The following RNF144A variants were observed in gnomAD, a reference collection of about 807,000 sequenced individuals.
The protein encoded by RNF144A is E3 ubiquitin-protein ligase RNF144A.
In RNF144A, 11 loss-of-function variants were observed where a neutral mutation model predicts 38.7. The observed-to-expected ratio is 0.28, with a 90% CI of 0.18 to 0.47. RNF144A has a LOEUF of 0.47. Ranked by LOEUF, RNF144A falls within the 20% of genes least tolerant of loss-of-function variation. The pLI is 0.99. For synonymous variants in RNF144A, 149 were observed against 143.9 expected, an observed-to-expected ratio of 1.04 and a Z score of -0.25; for missense variants, 316 against 377.2, an observed-to-expected ratio of 0.84 and a Z score of 1.34.
chr2:7,041,970 A>G lies in RNF144A; in HGVS notation c.*2210A>G. On this transcript the variant is annotated 3_prime_UTR_variant, in exon 9 of 9. Transcript: ENST00000320892. ...AGCCATCCTTGTGCCTTCACCTCTG[A>G]TGTGTTTCACAAGCACGTAGTTCAA... 2 of 985,422 alleles carry G rather than the reference A, an allele frequency of 2.0e-6. No homozygotes were observed. The highest frequency in any genetic ancestry group is 2.4e-6 in the Non-Finnish European group (2 of 829,940). The allele number at this position is 985,422 out of a possible 1,614,324, so 61.0% of individuals were successfully genotyped here.
intron 6 of RNF144A, among the ~76,000 whole-genome samples, chr2:7,053,162 A>G (rs1195019091): frequency 1.3e-5 from 2 of 152,212 alleles, no homozygotes; most frequent in Non-Finnish European, 2.9e-5. Flanking sequence ...CGCAATAGGC[A>G]TCTATCTACC....
chr2:7,049,524 G>C (rs1673435492), intron 6 of RNF144A, among the ~76,000 whole-genome samples: 1 of 152,188 alleles, frequency 6.6e-6, no homozygotes, highest in Non-Finnish European at 1.5e-5. Context: ...CACAAAGGAT[G>C]AAGATGACAA....
intron 2 of RNF144A, among the ~76,000 whole-genome samples, chr2:6,970,307 G>T (rs1467080550): frequency 6.6e-6 from 1 of 152,136 alleles, no homozygotes; most frequent in African/African-American, 2.4e-5. Flanking sequence ...AGATCTGATG[G>T]TTTTAAAAAC....
At chr2:6,978,601 A>G (rs1441492967) in intron 2 of RNF144A, 2 of 152,588 alleles carry the variant, frequency 1.3e-5, no homozygotes, top group African/African-American at 4.8e-5. Context: ...AATAATTTGA[A>G]GTTGACATCT....
At chr2:6,982,031 A>G (rs1668664704) in intron 2 of RNF144A, among the ~76,000 whole-genome samples, 1 of 152,134 alleles carries the variant, frequency 6.6e-6, no homozygotes, top group African/African-American at 2.4e-5. Flanking sequence ...TTTTAAAACC[A>G]TCGGATCTCG....
chr2:6,928,714 C>A (rs1474188121), intron 1 of RNF144A, among the ~76,000 whole-genome samples: 1 of 152,216 alleles, frequency 6.6e-6, no homozygotes, highest in Non-Finnish European at 1.5e-5. Flanking sequence ...TCTTTGAAAC[C>A]TGTGGCTTTC....
chr2:7,045,867 A>G (rs570581509), downstream of RNF144A, among the ~76,000 whole-genome samples: 353 of 151,568 alleles, frequency 2.3e-3, 4 homozygotes, highest in South Asian at 8.0e-3. Flanking sequence ...TGGGTTGCAC[A>G]TCAATTCTTG....
At chr2:7,025,494 T>A (rs1163115170) in intron 7 of RNF144A, among the ~76,000 whole-genome samples, 1 of 152,122 alleles carries the variant, frequency 6.6e-6, no homozygotes, top group Admixed American at 6.5e-5. Flanking sequence ...GGCAACATGG[T>A]GAAACCCTGT....
chr2:7,043,775 C>A lies in RNF144A; in HGVS notation c.*4015C>A. 1.0e-6 allele frequency: 1 copy of A among 985,848 alleles called. No homozygotes were observed. The highest frequency in any genetic ancestry group is 1.2e-6 in the Non-Finnish European group (1 of 829,944). The allele number at this position is 985,848 out of a possible 1,614,324, so 61.1% of individuals were successfully genotyped here. A position where few individuals can be genotyped will look rare whatever the true frequency, so the allele number is the denominator to read the frequency against. ...AATTCTGTCTTCCACAGTTCCGGAG[C>A]CTTCAGTGAGGGGTAGCTACATGCC... On this transcript the variant is annotated 3_prime_UTR_variant, in exon 9 of 9. Coordinates refer to ENST00000320892, the MANE Select transcript of RNF144A (RefSeq NM_014746.6).
chr2:7,052,475 G>A (rs904568136), intron 6 of RNF144A, among the ~76,000 whole-genome samples: 1 of 152,188 alleles, frequency 6.6e-6, no homozygotes, highest in East Asian at 1.9e-4. Flanking sequence ...TGGCCTCCAA[G>A]GATGGTTCTC....
rs1048904048 is a variant in RNF144A, at chr2:6,981,119, T to C, written c.-11-15797T>C. On this transcript the variant is annotated intron_variant, in intron 2 of 8. Transcript: ENST00000320892. ...TGGCCCTGGCCCACAAAACCATTTT[T>C]TCCTTCTACACCTCCAGGCCTGTGA... Among the ~76,000 whole-genome samples the C allele has an allele frequency of 6.3e-4, 96 of 152,288 alleles. 1 individual carries two copies. The highest frequency in any genetic ancestry group is 3.4e-3 in the Middle Eastern group (1 of 294).
At chr2:7,044,523 C>T (rs1572474036), downstream of RNF144A, among the ~76,000 whole-genome samples, 3 of 152,318 alleles carry the variant, frequency 2.0e-5, no homozygotes, top group African/African-American at 4.8e-5. Context: ...CCACTCAGGG[C>T]GCTCTGCTTC....
intron 6 of RNF144A, chr2:7,068,123 G>A: frequency 1.6e-6 from 1 of 610,960 alleles, no homozygotes; most frequent in Non-Finnish European, 2.8e-6. Context: ...CCTTTGCAGT[G>A]GTCCCTCTAT....
At chr2:6,924,979 G>T (rs548894935) in intron 1 of RNF144A, among the ~76,000 whole-genome samples, 3 of 152,150 alleles carry the variant, frequency 2.0e-5, no homozygotes, top group African/African-American at 7.2e-5. Context: ...GCTCTTTGAC[G>T]GATGGAGAAT....
At chr2:6,927,986 G>A (rs1664982331) in intron 1 of RNF144A, among the ~76,000 whole-genome samples, 2 of 152,150 alleles carry the variant, frequency 1.3e-5, no homozygotes, top group Non-Finnish European at 2.9e-5. Flanking sequence ...TCCCAGCATG[G>A]ACAGGGCCCC....
intron 3 of RNF144A, among the ~76,000 whole-genome samples, chr2:7,011,697 C>G (rs1670820964): frequency 6.6e-6 from 1 of 152,182 alleles, no homozygotes; most frequent in African/African-American, 2.4e-5. Flanking sequence ...GTGTATTTTA[C>G]AGAAGTTTCT....
intron 2 of RNF144A, among the ~76,000 whole-genome samples, chr2:6,963,829 G>A (rs1326739823): frequency 6.6e-6 from 1 of 152,184 alleles, no homozygotes; most frequent in Non-Finnish European, 1.5e-5. Flanking sequence ...CTCTCAGGCA[G>A]CTGCAAACTA....
downstream of RNF144A, among the ~76,000 whole-genome samples, chr2:7,071,648 T>G (rs1674488942): frequency 6.6e-6 from 1 of 152,028 alleles, no homozygotes; most frequent in Admixed American, 6.6e-5. Flanking sequence ...ACAAGATAAA[T>G]CTCCTCCCTA....
Position 7,044,030 on chromosome 2 carries a change from G to A in RNF144A, c.*4270G>A, listed in dbSNP as rs1673201911. 2.0e-6 allele frequency: 2 copies of A among 985,570 alleles called. No homozygotes were observed. Among genetic ancestry groups the A allele is most frequent in the African/African-American group, 3.5e-5 (2 of 57,166 alleles). The allele number at this position is 985,570 out of a possible 1,614,324, so 61.1% of individuals were successfully genotyped here. On this transcript the variant is annotated 3_prime_UTR_variant, in exon 9 of 9. Transcript: ENST00000320892. ...CTGTTTGAATGCCTTTTAATGTTGT[G>A]TTTTGTACTCTGGAATCATATGGAA...
Sources: gnomAD v4.1 joint callset for allele counts (sites outside exome capture counted in the v4.1 genomes callset) on GRCh38, gnomAD v4.1.1 for gene constraint, MANE v1.5 for transcripts, NCBI Gene and HGNC (gene_info 2026-07-23, HGNC 2026-07-21) for gene names.